PCNX2: variants seen among roughly 807,000 people sequenced by gnomAD.
PCNX2 encodes pecanex-like protein 2.
A neutral mutation model predicts 223.8 loss-of-function variants in PCNX2; 168 were observed. That is an observed-to-expected ratio of 0.75 (90% CI 0.66 to 0.85). PCNX2 has a LOEUF of 0.85. Among genes scored for constraint, PCNX2 ranks in the 40% least tolerant of loss-of-function variants. PCNX2 has a pLI of 0.00. For synonymous variants in PCNX2, 1,006 were observed against 1,052.6 expected (o/e 0.96, Z 0.86); for missense variants, 2,507 against 2,675.5 (o/e 0.94, Z 1.39).
At chr1:233,282,222 G>T (rs1460547466) in intron 1 of PCNX2, among the ~76,000 whole-genome samples, 4 of 151,992 alleles carry the variant, frequency 2.6e-5, no homozygotes, top group African/African-American at 9.7e-5. Context: ...CCTCCTCTTT[G>T]CCCTGCCTCT....
At chr1:233,087,249 G>A (rs1356546414) in intron 23 of PCNX2, 2 of 975,976 alleles carry the variant, frequency 2.0e-6, no homozygotes, top group Non-Finnish European at 2.4e-6. Flanking sequence ...GGACTGGAAA[G>A]TGAGGGAGCA....
At chr1:233,142,725 C>T (rs1267205881) in intron 19 of PCNX2, among the ~76,000 whole-genome samples, 1 of 152,168 alleles carries the variant, frequency 6.6e-6, no homozygotes, top group African/African-American at 2.4e-5. Flanking sequence ...TGTGGCAGGA[C>T]CTCTTGTGAC....
At chr1:233,006,676 A>T (rs949880908) in intron 28 of PCNX2, among the ~76,000 whole-genome samples, 3 of 152,200 alleles carry the variant, frequency 2.0e-5, no homozygotes, top group African/African-American at 7.2e-5. Context: ...CAGGACTCAC[A>T]GGGGGATCTC....
At chr1:233,065,871 G>T (rs1339526877) in intron 23 of PCNX2, among the ~76,000 whole-genome samples, 1 of 152,154 alleles carries the variant, frequency 6.6e-6, no homozygotes, top group African/African-American at 2.4e-5. Flanking sequence ...AGATAGGGGT[G>T]GGTCCCTGGT....
intron 17 of PCNX2, among the ~76,000 whole-genome samples, chr1:233,176,741 C>T (rs1016659323): frequency 1.1e-4 from 17 of 152,316 alleles, no homozygotes; most frequent in East Asian, 7.7e-4. Flanking sequence ...AGGCTGGGGG[C>T]GGTGGCTCAC....
At chr1:233,099,261 T>A (rs1008414374) in intron 21 of PCNX2, among the ~76,000 whole-genome samples, 3 of 152,098 alleles carry the variant, frequency 2.0e-5, no homozygotes, top group Admixed American at 1.3e-4. Flanking sequence ...TACAGAAAGG[T>A]CCCCTTTATC....
intron 17 of PCNX2, 110 bp downstream of exon 17, chr1:233,177,692 T>C: frequency 1.1e-5 from 10 of 894,984 alleles, no homozygotes; most frequent in Middle Eastern, 2.2e-4. Context: ...AGGTGTATCT[T>C]TCTGTCCTAG....
rs1281416664 is a variant in PCNX2 at position 233,014,772 on chromosome 1, T to G, written c.4845A>C (p.Ser1615=). ...QHCARKRQEP[S]TTLDSDEDSP... is the part of the protein sequence containing the mutation. ...AGTCCTCGTCACTGTCCAGGGTCGT[T>G]GAAGGCTGAAAGAGCAAGAAGTTAA... The change falls in exon 28 of 34, where the codon TCA becomes TCC. Residue 1615 remains serine, a synonymous_variant. Coordinates refer to ENST00000258229, the MANE Select transcript of PCNX2 (RefSeq NM_014801.4). 1 of 1,613,534 alleles carries G rather than the reference T, an allele frequency of 6.2e-7. No homozygotes were observed. Among genetic ancestry groups the G allele is most frequent in the Non-Finnish European group, 8.5e-7 (1 of 1,179,594 alleles).
intron 8 of PCNX2, among the ~76,000 whole-genome samples, chr1:233,246,878 C>T (rs1350920462): frequency 2.0e-5 from 3 of 152,220 alleles, no homozygotes; most frequent in Admixed American, 2.0e-4. Context: ...AGCCTGATAG[C>T]TGGTTCTTAT....
At chr1:233,084,331 A>G (rs1443491737) in intron 23 of PCNX2, among the ~76,000 whole-genome samples, 2 of 152,228 alleles carry the variant, frequency 1.3e-5, no homozygotes, top group African/African-American at 2.4e-5. Context: ...TGCAGAGTTG[A>G]TACTTTTGCA....
the PCNX2 span, among the ~76,000 whole-genome samples, chr1:233,304,715 G>A: frequency 1.3e-3 from 203 of 152,246 alleles, 1 homozygote; most frequent in African/African-American, 4.6e-3. Flanking sequence ...TGCTTAGAAT[G>A]TAGTAAAATA....
intron 8 of PCNX2, among the ~76,000 whole-genome samples, chr1:233,246,578 T>C (rs1572145600): frequency 6.6e-6 from 1 of 152,338 alleles, no homozygotes; most frequent in Non-Finnish European, 1.5e-5. Context: ...AGTGTGTAAG[T>C]GTTTAACAAA....
the PCNX2 span, among the ~76,000 whole-genome samples, chr1:233,318,308 AT>A: frequency 2.1e-3 from 327 of 152,114 alleles, 1 homozygote; most frequent in African/African-American, 7.4e-3. Flanking sequence ...TTGAGGGACT[AT>A]TTTTCCTCAC....
chr1:233,084,388 A>G (rs1673500247), intron 23 of PCNX2, among the ~76,000 whole-genome samples: 1 of 152,236 alleles, frequency 6.6e-6, no homozygotes, highest in Non-Finnish European at 1.5e-5. Context: ...CTAGCACAGT[A>G]CACTCGCATA....
the PCNX2 span, among the ~76,000 whole-genome samples, chr1:233,324,113 C>T: frequency 6.6e-6 from 1 of 152,210 alleles, no homozygotes; most frequent in Admixed American, 6.5e-5. Flanking sequence ...TAATCCAAAG[C>T]AAGGCCTTAA....
chr1:233,028,033 T>C (rs1024925207), intron 25 of PCNX2, among the ~76,000 whole-genome samples: 1 of 152,244 alleles, frequency 6.6e-6, no homozygotes, highest in African/African-American at 2.4e-5. Flanking sequence ...TTTCCAAATA[T>C]TTGGGAATTT....
chr1:233,255,972 G>A (rs1025395504), intron 5 of PCNX2, among the ~76,000 whole-genome samples: 2 of 152,078 alleles, frequency 1.3e-5, no homozygotes, highest in African/African-American at 2.4e-5. Context: ...GGCCTTCTAC[G>A]AGCTAAAAGA....
At chr1:233,053,952 C>T (rs1004532041) in intron 25 of PCNX2, among the ~76,000 whole-genome samples, 1 of 152,162 alleles carries the variant, frequency 6.6e-6, no homozygotes, top group Non-Finnish European at 1.5e-5. Flanking sequence ...CCATTTGGAA[C>T]CCCAAATGAT....
chr1:233,079,264 C>T (rs1000822551), intron 23 of PCNX2, among the ~76,000 whole-genome samples: 1 of 152,086 alleles, frequency 6.6e-6, no homozygotes, highest in Non-Finnish European at 1.5e-5. Flanking sequence ...GTGGCTTACA[C>T]CTGTAATTCC....
Sources: gnomAD v4.1 joint callset for allele counts (sites outside exome capture counted in the v4.1 genomes callset) on GRCh38, gnomAD v4.1.1 for gene constraint, MANE v1.5 for transcripts, NCBI Gene and HGNC (gene_info 2026-07-23, HGNC 2026-07-21) for gene names.